SEH1L: variants seen among roughly 807,000 people sequenced by gnomAD.
The protein encoded by SEH1L is SEH1 like nucleoporin.
A neutral mutation model predicts 49.5 loss-of-function variants in SEH1L; 18 were observed. The ratio of observed to expected loss-of-function variants is 0.36; its 90% confidence interval spans 0.25 to 0.54. The LOEUF is 0.54. Among genes scored for constraint, SEH1L ranks in the 20% least tolerant of loss-of-function variants. SEH1L has a pLI of 0.87. For missense variants in SEH1L, 404 were observed against 528.8 expected, an observed-to-expected ratio of 0.76 and a Z score of 2.31; for synonymous variants, 169 against 178.1, an observed-to-expected ratio of 0.95 and a Z score of 0.41.
chr18:12,985,180 C>T (rs1288917818), intron 8 of SEH1L: 4 of 1,539,410 alleles, frequency 2.6e-6, no homozygotes, highest in Middle Eastern at 1.7e-4. Context: ...TGCCAATAAC[C>T]ATCTGTGTTA....
At chr18:12,954,978 G>T (rs140201819) in intron 2 of SEH1L, among the ~76,000 whole-genome samples, 9 of 152,254 alleles carry the variant, frequency 5.9e-5, no homozygotes, top group Admixed American at 3.9e-4. Flanking sequence ...GCTCCCAGCC[G>T]CTGGTAACCA....
At chr18:12,960,682 C>G (rs2031130856) in intron 3 of SEH1L, among the ~76,000 whole-genome samples, 1 of 152,138 alleles carries the variant, frequency 6.6e-6, no homozygotes, top group Non-Finnish European at 1.5e-5. Context: ...GGCGTTAAGT[C>G]TGAGGTGTGT....
intron 3 of SEH1L, among the ~76,000 whole-genome samples, chr18:12,958,184 A>G (rs1197942386): frequency 7.1e-6 from 1 of 141,272 alleles, no homozygotes; most frequent in Non-Finnish European, 1.5e-5. Context: ...CCGGGGTTCA[A>G]GCGATTTTCC....
chr18:12,976,274 C>G (rs2031913463), intron 5 of SEH1L: 1 of 152,238 alleles, frequency 6.6e-6, no homozygotes, highest in South Asian at 2.1e-4. Context: ...GGAGAGTCTT[C>G]TCATGAGGCA....
chr18:12,969,513 C>A (rs550822954), intron 4 of SEH1L, among the ~76,000 whole-genome samples: 256 of 151,638 alleles, frequency 1.7e-3, no homozygotes, highest in African/African-American at 5.8e-3. Flanking sequence ...CATGGTGAAA[C>A]CTCATCTTTA....
At chr18:12,949,278 A>G (rs2030343551) in intron 1 of SEH1L, among the ~76,000 whole-genome samples, 1 of 152,096 alleles carries the variant, frequency 6.6e-6, no homozygotes, top group Non-Finnish European at 1.5e-5. Context: ...CGACAACTCC[A>G]GAGTAACTGG....
chr18:12,964,289 A>C, intron 4 of SEH1L: 1 of 152,204 alleles, frequency 6.6e-6, no homozygotes, highest in Admixed American at 6.5e-5. Context: ...TGCTGTCAAT[A>C]GTTCTGTTTT....
At chr18:12,964,716 A>G (rs1436128348) in intron 4 of SEH1L, among the ~76,000 whole-genome samples, 1 of 147,156 alleles carries the variant, frequency 6.8e-6, no homozygotes, top group Non-Finnish European at 1.5e-5. Context: ...GCTCACTGCA[A>G]GCTCCGCCTC....
In SEH1L at chr18:12,987,141, T is replaced by G. The variant is rs188849270; in HGVS notation, c.*84T>G. The G allele has an allele frequency of 9.5e-7, 1 of 1,057,592 alleles. No individual in the cohort carries two copies. The highest frequency in any genetic ancestry group is 2.4e-5 in the Admixed American group (1 of 41,256). The allele number at this position is 1,057,592 out of a possible 1,614,324, so 65.5% of individuals were successfully genotyped here. A position where few individuals can be genotyped will look rare whatever the true frequency, so the allele number is the denominator to read the frequency against. On this transcript the variant is annotated 3_prime_UTR_variant, in exon 9 of 9. Coordinates refer to ENST00000399892, the MANE Select transcript of SEH1L (RefSeq NM_001013437.2). ...GCTGCTTTTTGTTTTTCATTTTCTT[T>G]CAGAAGATTTTTCTAACTTAGGGTC... is the stretch of plus-strand genomic sequence containing the variant.
At chr18:12,952,767 CTCTCT>C (rs1245335396) in intron 2 of SEH1L, among the ~76,000 whole-genome samples, 3 of 150,684 alleles carry the variant, frequency 2.0e-5, no homozygotes, top group Admixed American at 6.6e-5. Flanking sequence ...CCCTCCCACC[CTCTCT>C]TCTCTTCTTT....
intron 8 of SEH1L, among the ~76,000 whole-genome samples, chr18:12,984,417 G>T (rs1382023323): frequency 6.6e-6 from 1 of 152,230 alleles, no homozygotes; most frequent in Non-Finnish European, 1.5e-5. Context: ...AGCTTTAGTG[G>T]TCTATTGGTA....
In SEH1L at chr18:12,948,052, C is replaced by A. The variant is rs2030220276; in HGVS notation, c.-70C>A. On this transcript the variant is annotated 5_prime_UTR_variant, in exon 1 of 9. Coordinates refer to ENST00000399892, the MANE Select transcript of SEH1L (RefSeq NM_001013437.2). ...TCCCGGGCTGCGAGGTCTGGCTAGG[C>A]TACGGGCCACGCGCCGCCGCCGCTG... is the stretch of plus-strand genomic sequence containing the variant. The A allele has an allele frequency of 2.5e-6, 3 of 1,206,514 alleles. No individual in the cohort carries two copies. The highest frequency in any genetic ancestry group is 2.6e-5 in the South Asian group (2 of 77,590). The allele number at this position is 1,206,514 out of a possible 1,614,324, so 74.7% of individuals were successfully genotyped here.
At chr18:12,963,447 T>C (rs1311398234) in intron 4 of SEH1L, 76 bp downstream of exon 4, 8 of 1,176,716 alleles carry the variant, frequency 6.8e-6, no homozygotes, top group South Asian at 2.6e-5. Flanking sequence ...AATTTGATAA[T>C]TTATTCTCTC....
At chr18:12,985,286 C>T (rs1158851038) in intron 8 of SEH1L, 1 of 1,604,364 alleles carries the variant, frequency 6.2e-7, no homozygotes, top group Non-Finnish European at 8.5e-7. Context: ...TGCTGTTTTG[C>T]TGCTTGTTGC....
intron 6 of SEH1L, among the ~76,000 whole-genome samples, chr18:12,981,849 C>CTTTT (rs1467685892): frequency 0.08 from 8,135 of 101,764 alleles, 1,136 homozygotes; most frequent in Admixed American, 0.098. Context: ...CTGCCCTGCC[C>CTTTT]ATTTTTTTTT....
chr18:12,980,701 C>T (rs1226836995), intron 6 of SEH1L, among the ~76,000 whole-genome samples: 1 of 67,900 alleles, frequency 1.5e-5, no homozygotes, highest in Non-Finnish European at 2.9e-5. Flanking sequence ...GGGCTGACAC[C>T]CCCCACTTCC....
chr18:12,962,042 CA>C (rs1749823349), intron 3 of SEH1L, among the ~76,000 whole-genome samples: 3 of 152,166 alleles, frequency 2.0e-5, no homozygotes, highest in African/African-American at 7.2e-5. Flanking sequence ...TGGAATTTTA[CA>C]GTGATCATAA....
chr18:12,976,925 G>T (rs959166399), intron 5 of SEH1L: 1 of 150,636 alleles, frequency 6.6e-6, no homozygotes, highest in South Asian at 2.1e-4. Context: ...GCAGTGAGCC[G>T]AGATCACACC....
intron 6 of SEH1L, among the ~76,000 whole-genome samples, chr18:12,980,715 C>T (rs1264797985): frequency 2.2e-5 from 2 of 89,216 alleles, no homozygotes; most frequent in Non-Finnish European, 2.3e-5. Context: ...CACTTCCCTC[C>T]CGGACGGGGC....
Sources: gnomAD v4.1 joint callset for allele counts (sites outside exome capture counted in the v4.1 genomes callset) on GRCh38, gnomAD v4.1.1 for gene constraint, MANE v1.5 for transcripts, NCBI Gene and HGNC (gene_info 2026-07-23, HGNC 2026-07-21) for gene names.